NPAS3: variants seen among roughly 807,000 people sequenced by gnomAD.
NPAS3 encodes the protein neuronal PAS domain-containing protein 3.
In NPAS3, 14 loss-of-function variants were observed where a neutral mutation model predicts 73.1. The observed-to-expected ratio is 0.19, with a 90% confidence interval of 0.13 to 0.30. The LOEUF (loss-of-function observed/expected upper bound fraction) is 0.30. Among genes scored for constraint, NPAS3 ranks in the 10% least tolerant of loss-of-function variants. The pLI, the probability that NPAS3 is intolerant of heterozygous loss-of-function variation, is 1.00. For synonymous variants in NPAS3, 620 were observed against 541.5 expected (o/e 1.14, Z -2.01); for missense variants, 1,096 against 1,250.0 (o/e 0.88, Z 1.86).
intron 2 of NPAS3, among the ~76,000 whole-genome samples, chr14:33,056,758 A>G (rs552135706): frequency 3.9e-5 from 6 of 152,346 alleles, no homozygotes; most frequent in African/African-American, 1.4e-4. Flanking sequence ...AAAAGATGAA[A>G]TTTATGCTTT....
intron 5 of NPAS3, among the ~76,000 whole-genome samples, chr14:33,649,667 C>G (rs940796137): frequency 6.6e-6 from 1 of 152,020 alleles, no homozygotes; most frequent in Non-Finnish European, 1.5e-5. Flanking sequence ...CTGAATTTTA[C>G]TAATTTGGTA....
chr14:33,048,490 A>C (rs1286139214), intron 1 of NPAS3, among the ~76,000 whole-genome samples: 2 of 152,288 alleles, frequency 1.3e-5, no homozygotes, highest in East Asian at 3.9e-4. Flanking sequence ...TTGTTCCTGC[A>C]GTTGTTGGTT....
chr14:32,953,135 G>GAA (rs566708758), intron 1 of NPAS3, among the ~76,000 whole-genome samples: 3 of 118,318 alleles, frequency 2.5e-5, no homozygotes, highest in African/African-American at 3.0e-5. Context: ...CAAAAAAAAA[G>GAA]AAAAAAAAAA....
At chr14:33,259,656 AT>A (rs1402086307) in intron 3 of NPAS3, among the ~76,000 whole-genome samples, 2 of 152,264 alleles carry the variant, frequency 1.3e-5, no homozygotes, top group Non-Finnish European at 2.9e-5. Flanking sequence ...GATTTTGTTC[AT>A]TTTATTTTTA....
At chr14:33,283,645 C>G (rs1443934862) in intron 3 of NPAS3, among the ~76,000 whole-genome samples, 2 of 152,200 alleles carry the variant, frequency 1.3e-5, no homozygotes, top group Middle Eastern at 3.2e-3. Flanking sequence ...AAGCCTCATA[C>G]TAGACTGTAT....
chr14:33,512,563 G>T (rs771067876), intron 4 of NPAS3, among the ~76,000 whole-genome samples: 4 of 152,056 alleles, frequency 2.6e-5, no homozygotes, highest in African/African-American at 7.2e-5. Context: ...TGGGGTCCCT[G>T]AGCAGCTACA....
At chr14:33,207,015 C>T (rs1002084528) in intron 2 of NPAS3, among the ~76,000 whole-genome samples, 1 of 152,226 alleles carries the variant, frequency 6.6e-6, no homozygotes, top group African/African-American at 2.4e-5. Context: ...ATGAGAAAGC[C>T]TTTATCCCAT....
At chr14:33,468,696 T>A (rs571190383) in intron 4 of NPAS3, among the ~76,000 whole-genome samples, 1 of 152,304 alleles carries the variant, frequency 6.6e-6, no homozygotes, top group Non-Finnish European at 1.5e-5. Context: ...TCTTGCCTTA[T>A]TACAAGAGTG....
At chr14:33,387,152 T>G (rs981361624) in intron 4 of NPAS3, among the ~76,000 whole-genome samples, 1 of 152,150 alleles carries the variant, frequency 6.6e-6, no homozygotes, top group Non-Finnish European at 1.5e-5. Context: ...CCACCCAAAT[T>G]TTTACACATT....
intron 2 of NPAS3, among the ~76,000 whole-genome samples, chr14:33,083,049 G>A (rs965621995): frequency 1.3e-5 from 2 of 151,718 alleles, no homozygotes; most frequent in Non-Finnish European, 1.5e-5. Context: ...CAGGTGTGGG[G>A]GCGTGTGCCT....
chr14:33,052,173 C>G (rs755156110), intron 1 of NPAS3, among the ~76,000 whole-genome samples: 1 of 152,172 alleles, frequency 6.6e-6, no homozygotes, highest in Non-Finnish European at 1.5e-5. Flanking sequence ...TAAGAAAGTA[C>G]CATCCCCAAG....
At chr14:33,303,212 T>TA (rs1199732495) in intron 3 of NPAS3, among the ~76,000 whole-genome samples, 2 of 152,142 alleles carry the variant, frequency 1.3e-5, no homozygotes, top group African/African-American at 4.8e-5. Context: ...TGTGACTTTT[T>TA]AATGGTGAAT....
intron 2 of NPAS3, among the ~76,000 whole-genome samples, chr14:33,094,468 ATT>A (rs373938530): frequency 2.8e-5 from 4 of 141,952 alleles, no homozygotes; most frequent in Non-Finnish European, 3.1e-5. Flanking sequence ...ATGATAAAGG[ATT>A]TTTTTTTTTT....
chr14:33,266,704 T>G (rs1250762952), intron 3 of NPAS3, among the ~76,000 whole-genome samples: 1 of 152,166 alleles, frequency 6.6e-6, no homozygotes, highest in Non-Finnish European at 1.5e-5. Context: ...ATATAGGTCT[T>G]GACCCTTTAT....
At chr14:33,091,230 G>A (rs994299274) in intron 2 of NPAS3, among the ~76,000 whole-genome samples, 38 of 152,068 alleles carry the variant, frequency 2.5e-4, no homozygotes, top group Admixed American at 2.5e-3. Context: ...CAACAAAATT[G>A]ATAGACTGCC....
chr14:33,540,321 T>A (rs2054454390), intron 4 of NPAS3, among the ~76,000 whole-genome samples: 1 of 152,256 alleles, frequency 6.6e-6, no homozygotes, highest in Non-Finnish European at 1.5e-5. Flanking sequence ...ACCTATGCTT[T>A]GTTCATTTAT....
intron 5 of NPAS3, among the ~76,000 whole-genome samples, chr14:33,584,794 CAGG>C (rs1255524429): frequency 2.6e-5 from 4 of 152,152 alleles, no homozygotes; most frequent in African/African-American, 4.8e-5. Flanking sequence ...CCCTGACTTC[CAGG>C]AGTTTACTGT....
intron 4 of NPAS3, among the ~76,000 whole-genome samples, chr14:33,506,155 T>C (rs1203547413): frequency 1.3e-5 from 2 of 151,992 alleles, no homozygotes; most frequent in African/African-American, 4.8e-5. Context: ...TACTATACAT[T>C]TATTTACTTG....
chr14:33,001,093 A>G lies in NPAS3; in HGVS notation c.51-54812A>G, dbSNP rs114693772. Among the ~76,000 whole-genome samples, 347 of 152,314 alleles carry G rather than the reference A, an allele frequency of 2.3e-3. 1 individual carries two copies. Among genetic ancestry groups the G allele is most frequent in the African/African-American group, 8.1e-3 (338 of 41,564 alleles). On this transcript the variant is annotated intron_variant, in intron 1 of 11. Transcript: ENST00000356141. The stretch of plus-strand genomic sequence containing the variant: ...AAGGTTACTTTTTTACATCGGATCC[A>G]ATGGGAATCTTTGTGTGTGTGTGTC...
Sources: allele counts gnomAD v4.1 joint callset (sites outside exome capture counted in the v4.1 genomes callset), GRCh38; gene constraint gnomAD v4.1.1; transcripts MANE v1.5; gene names NCBI Gene and HGNC (gene_info 2026-07-23, HGNC 2026-07-21).